The following ROBO1 variants were observed in gnomAD, a reference collection of about 807,000 sequenced individuals.
The protein encoded by ROBO1 is roundabout guidance receptor 1.
A neutral mutation model predicts 195.9 loss-of-function variants in ROBO1; 149 were observed. The ratio of observed to expected loss-of-function variants is 0.76; its 90% CI spans 0.67 to 0.87. ROBO1 has a LOEUF of 0.87. Among genes scored for constraint, ROBO1 ranks in the 40% least tolerant of loss-of-function variants. The pLI, the probability that ROBO1 is intolerant of heterozygous loss-of-function variation, is 0.00. For synonymous variants in ROBO1, 816 were observed against 733.2 expected, an observed-to-expected ratio of 1.11 and a Z score of -1.82; for missense variants, 1,933 against 2,068.3, an observed-to-expected ratio of 0.93 and a Z score of 1.27.
At chr3:79,358,948 A>G (rs902402819) in intron 2 of ROBO1, among the ~76,000 whole-genome samples, 1 of 152,010 alleles carries the variant, frequency 6.6e-6, no homozygotes, top group African/African-American at 2.4e-5. Context: ...ACAACATATC[A>G]TGGTTTAACA....
intron 2 of ROBO1, among the ~76,000 whole-genome samples, chr3:79,372,299 C>T (rs937967372): frequency 1.4e-4 from 22 of 151,832 alleles, no homozygotes; most frequent in East Asian, 1.9e-4. Context: ...CTCCGCCTCC[C>T]GGGTTCAAGC....
chr3:79,401,287 G>A (rs1347876398), intron 2 of ROBO1, among the ~76,000 whole-genome samples: 1 of 151,808 alleles, frequency 6.6e-6, no homozygotes, highest in Non-Finnish European at 1.5e-5. Flanking sequence ...TCTAAGACGT[G>A]TGGCTAATTT....
rs112053358 is a variant in ROBO1, at chr3:78,967,433, C to A, written c.173-28506G>T. On this transcript the variant is annotated intron_variant, in intron 3 of 30. Transcript: ENST00000464233. ...AGTTCCTGTAACTAAAATCTAACTT[C>A]CCTCCTTCCAAAACCTTATTTTGAG... Among the ~76,000 whole-genome samples, 424 of 150,208 alleles carry A rather than the reference C, an allele frequency of 2.8e-3. 3 individuals are homozygous for A. Among genetic ancestry groups the A allele is most frequent in the African/African-American group, 0.01 (413 of 41,042 alleles).
intron 3 of ROBO1, among the ~76,000 whole-genome samples, chr3:78,960,356 T>A (rs2041271356): frequency 1.3e-5 from 2 of 149,186 alleles, no homozygotes; most frequent in South Asian, 4.2e-4. Context: ...ATATATTTTA[T>A]AATATATTAA....
intron 1 of ROBO1, among the ~76,000 whole-genome samples, chr3:79,624,541 T>C (rs1190702063): frequency 4.0e-5 from 6 of 151,678 alleles, no homozygotes. Flanking sequence ...AAAGCAGGGA[T>C]TACAAGCCCA....
chr3:79,197,209 C>A (rs2081654389), intron 2 of ROBO1, among the ~76,000 whole-genome samples: 1 of 151,838 alleles, frequency 6.6e-6, no homozygotes, highest in African/African-American at 2.4e-5. Context: ...CCCTGATAGA[C>A]CCTGGTGTGT....
intron 2 of ROBO1, among the ~76,000 whole-genome samples, chr3:79,295,079 C>T (rs758561586): frequency 3.3e-5 from 5 of 152,072 alleles, no homozygotes; most frequent in Non-Finnish European, 5.9e-5. Flanking sequence ...ACCATTTGAC[C>T]CATCAATCCT....
chr3:78,888,945 CAG>C (rs757652525), intron 4 of ROBO1, among the ~76,000 whole-genome samples: 11 of 152,228 alleles, frequency 7.2e-5, no homozygotes, highest in Admixed American at 3.9e-4. Context: ...TGAATATAAA[CAG>C]AATGTAAACA....
At chr3:79,511,454 G>A (rs7637338) in intron 2 of ROBO1, among the ~76,000 whole-genome samples, 14,906 of 152,074 alleles carry the variant, frequency 0.098, 892 homozygotes, top group South Asian at 0.15. Context: ...TCAAATAACT[G>A]GTTGTCTAAT....
chr3:79,728,368 G>T (rs757133757), intron 1 of ROBO1, among the ~76,000 whole-genome samples: 3 of 152,080 alleles, frequency 2.0e-5, no homozygotes, highest in Non-Finnish European at 4.4e-5. Flanking sequence ...ACTTGATAAA[G>T]AAAACATGTA....
At chr3:79,557,741 A>ATATAT (rs1487088851) in intron 2 of ROBO1, among the ~76,000 whole-genome samples, 185 of 105,954 alleles carry the variant, frequency 1.7e-3, no homozygotes, top group Middle Eastern at 4.9e-3. Flanking sequence ...AAAACAAAAA[A>ATATAT]AAATATATAT....
At chr3:79,539,746 G>C (rs1941997410) in intron 2 of ROBO1, among the ~76,000 whole-genome samples, 1 of 152,056 alleles carries the variant, frequency 6.6e-6, no homozygotes, top group Admixed American at 6.6e-5. Flanking sequence ...CAACATTACA[G>C]AGTGGACAAT....
At chr3:79,675,211 A>T (rs934780346) in intron 1 of ROBO1, among the ~76,000 whole-genome samples, 2 of 149,472 alleles carry the variant, frequency 1.3e-5, no homozygotes, top group Non-Finnish European at 3.0e-5. Context: ...AGGAATTGGG[A>T]TGAAACAAGA....
intron 2 of ROBO1, among the ~76,000 whole-genome samples, chr3:79,558,334 C>T (rs575481137): frequency 6.6e-6 from 1 of 152,298 alleles, no homozygotes; most frequent in Non-Finnish European, 1.5e-5. Context: ...TCCACTTACA[C>T]TTAATGAACA....
At chr3:79,513,206 TCA>T (rs1480667729) in intron 2 of ROBO1, among the ~76,000 whole-genome samples, 1 of 152,168 alleles carries the variant, frequency 6.6e-6, no homozygotes, top group Non-Finnish European at 1.5e-5. Context: ...TGTGGAACTT[TCA>T]GTCTCGTATT....
intron 8 of ROBO1, among the ~76,000 whole-genome samples, chr3:78,712,780 G>A (rs78508396): frequency 2.7e-3 from 407 of 152,254 alleles, no homozygotes; most frequent in Non-Finnish European, 4.4e-3. Context: ...AATGAATTTT[G>A]TAACTGAATT....
At chr3:78,616,313 T>C (rs1704106854) in intron 27 of ROBO1, among the ~76,000 whole-genome samples, 1 of 152,178 alleles carries the variant, frequency 6.6e-6, no homozygotes, top group Non-Finnish European at 1.5e-5. Flanking sequence ...ATGTTATTTA[T>C]TTATTAAGAA....
chr3:78,778,718 T>C (rs148006439), intron 4 of ROBO1, among the ~76,000 whole-genome samples: 138 of 152,292 alleles, frequency 9.1e-4, no homozygotes, highest in African/African-American at 3.1e-3. Flanking sequence ...TTCAACGGTA[T>C]TCCCATCAAG....
intron 2 of ROBO1, among the ~76,000 whole-genome samples, chr3:79,431,354 T>G (rs1417825909): frequency 6.6e-6 from 1 of 152,086 alleles, no homozygotes; most frequent in Non-Finnish European, 1.5e-5. Flanking sequence ...CCAACTACAG[T>G]GGTGATCTTC....
Sources: allele counts gnomAD v4.1 joint callset (sites outside exome capture counted in the v4.1 genomes callset), GRCh38; gene constraint gnomAD v4.1.1; transcripts MANE v1.5; gene names NCBI Gene and HGNC (gene_info 2026-07-23, HGNC 2026-07-21).